HPN: variants seen among roughly 807,000 people sequenced by gnomAD.
HPN encodes hepsin.
HPN carries 13 observed loss-of-function variants against 55.9 expected under a neutral mutation model. That is an observed-to-expected ratio of 0.23 (90% CI 0.15 to 0.37). HPN has a LOEUF of 0.37. Among genes scored for constraint, HPN ranks in the 10% least tolerant of loss-of-function variants. HPN has a pLI of 1.00. For synonymous variants in HPN, 225 were observed against 240.3 expected, an observed-to-expected ratio of 0.94 and a Z score of 0.59; for missense variants, 451 against 575.8, an observed-to-expected ratio of 0.78 and a Z score of 2.22.
At chr19:35,047,944 C>T (rs372008933) in intron 2 of HPN, among the ~76,000 whole-genome samples, 32 of 149,006 alleles carry the variant, frequency 2.1e-4, no homozygotes, top group South Asian at 1.5e-3. Context: ...GTGCCATGAT[C>T]GCGCCGCTGC....
At chr19:35,065,073 C>T (rs950779808) in intron 9 of HPN, among the ~76,000 whole-genome samples, 177 bp from the exon 10 acceptor site, 4 of 152,092 alleles carry the variant, frequency 2.6e-5, no homozygotes, top group African/African-American at 4.8e-5. Flanking sequence ...CCTCCTGCCT[C>T]GGCCTCCCAA....
At chr19:35,048,082 A>AAGAAAGAAAGAAAAGG (rs111546288) in intron 2 of HPN, among the ~76,000 whole-genome samples, 2,334 of 96,696 alleles carry the variant, frequency 0.024, 72 homozygotes, top group African/African-American at 0.045. Context: ...GAAAGAAAGA[A>AAGAAAGAAAGAAAAGG]AAGGAAGGAA....
intron 2 of HPN, among the ~76,000 whole-genome samples, chr19:35,042,993 T>A (rs2064309454): frequency 1.3e-5 from 2 of 152,178 alleles, no homozygotes; most frequent in South Asian, 4.1e-4. Flanking sequence ...CCTCCCTCTG[T>A]GAGGTTGCTG....
chr19:35,049,584 CA>C, intron 4 of HPN, 68 bp downstream of exon 4: 1 of 1,396,790 alleles, frequency 7.2e-7, no homozygotes, highest in Non-Finnish European at 9.9e-7. Context: ...GGGAGCTCAA[CA>C]AGCGTATTTG....
Position 35,065,579 on chromosome 19 carries a change from A to G in HPN, c.948A>G (p.Ile316Met). The change falls in exon 11 of 13, where the codon ATA becomes ATG. Residue 316 changes from isoleucine to methionine, a missense_variant. Physicochemically the swap from Ile to Met is conservative, Grantham distance 10. This residue lies in a region of HPN where 378 missense variants were observed against 445.5 expected (regional missense o/e 0.85). Transcript: ENST00000672452. ...AGVLQEARVP[I>M]ISNDVCNGAD... ...TACTCCAGGAGGCTCGAGTCCCCAT[A>G]ATCAGCAATGATGTCTGCAATGGCG... is the stretch of plus-strand genomic sequence containing the variant. 6.2e-7 allele frequency: 1 copy of G among 1,614,150 alleles called. No individual in the cohort carries two copies. Among genetic ancestry groups the G allele is most frequent in the Non-Finnish European group, 8.5e-7 (1 of 1,180,020 alleles).
intron 4 of HPN, 65 bp from the exon 5 acceptor site, chr19:35,059,608 C>T: frequency 6.5e-7 from 1 of 1,545,770 alleles, no homozygotes; most frequent in East Asian, 2.4e-5. Context: ...GGGGCTCCGG[C>T]TGGGGAAGCA....
chr19:35,059,852 G>T (rs1229189712), intron 5 of HPN, 22 bp from the exon 6 acceptor site: 1 of 1,509,646 alleles, frequency 6.6e-7, no homozygotes. Context: ...TGGGGAGCAG[G>T]CCTAACCCCT....
At chr19:35,064,860 C>T (rs776322448) in intron 9 of HPN, among the ~76,000 whole-genome samples, 5 of 152,004 alleles carry the variant, frequency 3.3e-5, no homozygotes, top group Non-Finnish European at 5.9e-5. Flanking sequence ...CTTGCTCTGT[C>T]GCCCAGGCTG....
At chr19:35,065,483 G>A (rs1397941534) in intron 10 of HPN, 56 bp from the exon 11 acceptor site, 45 of 1,596,582 alleles carry the variant, frequency 2.8e-5, no homozygotes, top group Non-Finnish European at 3.8e-5. Flanking sequence ...GCACCAGGAG[G>A]GAAGGGGGGT....
Position 35,065,981 on chromosome 19 carries a change from C to A in HPN, c.1164C>A (p.Gly388=). The change falls in exon 12 of 13, where the codon GGC becomes GGA. Residue 388 remains glycine, a synonymous_variant. Transcript: ENST00000672452. Reference sequence around the variant, plus strand: ...GCTGTGCCCTGGCCCAGAAGCCAGGCGTCTACACCAAAGTCAGTGACTTCC... The same window carrying A: ...GCTGTGCCCTGGCCCAGAAGCCAGGAGTCTACACCAAAGTCAGTGACTTCC... The part of the protein sequence containing the change: ...GTGCALAQKP[G]VYTKVSDFRE... 2 of 1,613,190 alleles carry A rather than the reference C, an allele frequency of 1.2e-6. No homozygotes were observed. Among genetic ancestry groups the A allele is most frequent in the African/African-American group, 1.3e-5 (1 of 75,028 alleles).
chr19:35,064,311 T>A (rs941216836), intron 9 of HPN, among the ~76,000 whole-genome samples: 3 of 121,464 alleles, frequency 2.5e-5, no homozygotes, highest in Non-Finnish European at 5.4e-5. Flanking sequence ...TGTCTCAAGA[T>A]AGGAGTGTCT....
intron 2 of HPN, among the ~76,000 whole-genome samples, chr19:35,044,815 C>T (rs1014348679): frequency 2.0e-5 from 3 of 152,072 alleles, no homozygotes; most frequent in Non-Finnish European, 4.4e-5. Context: ...TTTGGTGTCT[C>T]AGTAGGTTCC....
At chr19:35,042,181 G>T in intron 1 of HPN, 1 of 1,221,874 alleles carries the variant, frequency 8.2e-7, no homozygotes, top group Admixed American at 4.3e-5. Context: ...GTCCTCAGCT[G>T]TCTCCTCCCT....
At chr19:35,048,827 AG>A (rs1568356760) in intron 2 of HPN, among the ~76,000 whole-genome samples, 1 of 152,118 alleles carries the variant, frequency 6.6e-6, no homozygotes, top group Non-Finnish European at 1.5e-5. Flanking sequence ...GGTCTGATTT[AG>A]GGGGTATCTA....
intron 9 of HPN, among the ~76,000 whole-genome samples, chr19:35,062,512 G>T (rs755817118): frequency 3.9e-5 from 6 of 152,130 alleles, no homozygotes; most frequent in African/African-American, 7.2e-5. Context: ...GACTCACTTA[G>T]GTGCCAACAT....
At chr19:35,054,621 T>C (rs1256692818) in intron 4 of HPN, among the ~76,000 whole-genome samples, 3 of 152,234 alleles carry the variant, frequency 2.0e-5, no homozygotes, top group African/African-American at 4.8e-5. Flanking sequence ...TGTTAAAAGC[T>C]TGGGGTTTGA....
intron 4 of HPN, chr19:35,050,605 C>A: frequency 1.9e-6 from 2 of 1,080,432 alleles, no homozygotes; most frequent in Non-Finnish European, 2.5e-6. Flanking sequence ...ATGAATGAAT[C>A]TTCCCAAATG....
rs764645123 is a variant in HPN, at chr19:35,066,011, G to A, written c.1194G>A (p.Glu398=). Residue 398 remains glutamate, a synonymous_variant, in exon 12 of 13, where the codon GAG becomes GAA. Transcript: ENST00000672452. ...GVYTKVSDFR[E]WIFQAIKTHS... ...ACACCAAAGTCAGTGACTTCCGGGA[G>A]TGGATCTTCCAGGCCATAAAGGTGA... The A allele has an allele frequency of 2.5e-6, 4 of 1,611,614 alleles. No homozygotes were observed. In the South Asian group the frequency reaches 3.3e-5, roughly 13 times the overall value.
At chr19:35,052,290 G>A (rs1467409970) in intron 4 of HPN, among the ~76,000 whole-genome samples, 2 of 152,162 alleles carry the variant, frequency 1.3e-5, no homozygotes, top group Non-Finnish European at 2.9e-5. Flanking sequence ...CACTTTGGGA[G>A]GCCGAGGCAG....
Sources: gnomAD v4.1 joint callset for allele counts (sites outside exome capture counted in the v4.1 genomes callset) on GRCh38, gnomAD v4.1.1 for gene constraint, gnomAD v4.1.1 regional missense constraint, MANE v1.5 for transcripts, NCBI Gene and HGNC (gene_info 2026-07-23, HGNC 2026-07-21) for gene names.